Variants in SSBP2 observed in about 807,000 individuals in gnomAD.
The protein encoded by SSBP2 is single-stranded DNA-binding protein 2.
SSBP2 carries 17 observed loss-of-function variants against 61.8 expected under a neutral mutation model. The ratio of observed to expected loss-of-function variants is 0.28; its 90% confidence interval spans 0.19 to 0.41. The LOEUF (loss-of-function observed/expected upper bound fraction) is 0.41, where lower values mean the gene tolerates loss of function less well. Among genes scored for constraint, SSBP2 ranks in the 10% least tolerant of loss-of-function variants. SSBP2 has a pLI of 1.00. For missense variants in SSBP2, 310 were observed against 458.7 expected (o/e 0.68, Z 2.96); for synonymous variants, 139 against 141.3 (o/e 0.98, Z 0.12).
chr5:81,654,305 C>A (rs999293368), intron 1 of SSBP2, among the ~76,000 whole-genome samples: 1 of 152,106 alleles, frequency 6.6e-6, no homozygotes, highest in Non-Finnish European at 1.5e-5. Context: ...AAATTGACCA[C>A]GTCCAAAGTT....
intron 4 of SSBP2, among the ~76,000 whole-genome samples, chr5:81,527,839 C>T (rs1425555251): frequency 2.0e-5 from 3 of 149,578 alleles, no homozygotes; most frequent in Admixed American, 1.3e-4. Flanking sequence ...ACCACCATGG[C>T]ACATGTATAC....
chr5:81,601,342 ACAGGAGGAT>A (rs1429554529), intron 4 of SSBP2, among the ~76,000 whole-genome samples: 3 of 152,328 alleles, frequency 2.0e-5, no homozygotes, highest in Admixed American at 1.3e-4. Flanking sequence ...TAAAAGAGCA[ACAGGAGGAT>A]CCTTGTGGTT....
intron 6 of SSBP2, among the ~76,000 whole-genome samples, chr5:81,486,272 T>C (rs1475810949): frequency 6.6e-6 from 1 of 152,172 alleles, no homozygotes; most frequent in East Asian, 1.9e-4. Flanking sequence ...TTCGTAAAAT[T>C]TGTCAACAAA....
intron 4 of SSBP2, among the ~76,000 whole-genome samples, chr5:81,536,583 A>G (rs1183703487): frequency 3.9e-5 from 6 of 152,196 alleles, no homozygotes; most frequent in Non-Finnish European, 8.8e-5. Context: ...TTGAAAACCA[A>G]GTCCATACAA....
At chr5:81,736,194 C>A (rs1222793172) in intron 1 of SSBP2, among the ~76,000 whole-genome samples, 1 of 135,134 alleles carries the variant, frequency 7.4e-6, no homozygotes, top group African/African-American at 3.0e-5. Flanking sequence ...ACACACTCTA[C>A]GGCACTACTG....
At chr5:81,691,124 A>T in intron 1 of SSBP2, among the ~76,000 whole-genome samples, 1 of 152,108 alleles carries the variant, frequency 6.6e-6, no homozygotes, top group Non-Finnish European at 1.5e-5. Flanking sequence ...AGAGTAGAAA[A>T]ACTTCAAATA....
chr5:81,472,574 T>C (rs568221937), intron 8 of SSBP2, among the ~76,000 whole-genome samples: 3 of 152,274 alleles, frequency 2.0e-5, no homozygotes, highest in African/African-American at 7.2e-5. Context: ...TCTTTAATAT[T>C]TTCAATCAAC....
Position 81,569,707 on chromosome 5 carries a change from T to C in SSBP2, c.282+45766A>G, listed in dbSNP as rs148102288. On this transcript the variant is annotated intron_variant, in intron 4 of 16. Transcript: ENST00000320672. Reference sequence around the variant, plus strand: ...AGCAGCAACTAATACAGTAATAATTTAAAAGGCATATCAGACTGCTTTTTG... The same window carrying C: ...AGCAGCAACTAATACAGTAATAATTCAAAAGGCATATCAGACTGCTTTTTG... Among the ~76,000 whole-genome samples, 27 of 152,318 alleles carry C rather than the reference T, an allele frequency of 1.8e-4. No homozygotes were observed. The East Asian group carries it at 4.6e-3, about 26-fold the overall frequency.
chr5:81,511,420 G>A (rs1429216010), intron 5 of SSBP2, among the ~76,000 whole-genome samples: 2 of 152,002 alleles, frequency 1.3e-5, no homozygotes, highest in Non-Finnish European at 2.9e-5. Context: ...GATCTCTGAT[G>A]GCTCCTACTG....
At chr5:81,573,973 T>C (rs1393192859) in intron 4 of SSBP2, among the ~76,000 whole-genome samples, 3 of 151,996 alleles carry the variant, frequency 2.0e-5, no homozygotes, top group Admixed American at 1.3e-4. Context: ...ACCCTGTCTC[T>C]ACTGAAAAAC....
At chr5:81,431,378 AT>A (rs750205229) in intron 15 of SSBP2, among the ~76,000 whole-genome samples, 10 of 152,148 alleles carry the variant, frequency 6.6e-5, no homozygotes, top group Non-Finnish European at 1.0e-4. Flanking sequence ...ACTTCAAGAA[AT>A]TTTATTACAT....
chr5:81,419,202 T>G lies in SSBP2; in HGVS notation c.*1302A>C, dbSNP rs964398685. ...TTGAACAGTCAGTTACACAATGTAG[T>G]TTTAGCCTGCTGAAGTCAATGGCTA... is the stretch of plus-strand genomic sequence containing the variant. On this transcript the variant is annotated 3_prime_UTR_variant, in exon 17 of 17. Coordinates refer to ENST00000320672, the MANE Select transcript of SSBP2 (RefSeq NM_012446.5). 6.6e-6 allele frequency: 1 copy of G among 152,228 alleles called. No homozygotes were observed. Among genetic ancestry groups the G allele is most frequent in the Non-Finnish European group, 1.5e-5 (1 of 68,044 alleles). The allele number at this position is 152,228 out of a possible 1,614,324, so 9.4% of individuals were successfully genotyped here.
chr5:81,734,991 A>AG (rs1756505180), intron 1 of SSBP2, among the ~76,000 whole-genome samples: 1 of 150,970 alleles, frequency 6.6e-6, no homozygotes, highest in Non-Finnish European at 1.5e-5. Flanking sequence ...AAAAAAAAAA[A>AG]AGAGAAAAGA....
At chr5:81,528,989 T>C (rs1302265108) in intron 4 of SSBP2, among the ~76,000 whole-genome samples, 4 of 152,106 alleles carry the variant, frequency 2.6e-5, no homozygotes, top group East Asian at 1.9e-4. Flanking sequence ...ATTCATTTAA[T>C]GGACACTTAT....
chr5:81,560,969 A>T (rs1772999190), intron 4 of SSBP2, among the ~76,000 whole-genome samples: 1 of 152,168 alleles, frequency 6.6e-6, no homozygotes, highest in South Asian at 2.1e-4. Context: ...ATTGCTACAG[A>T]ACTCAAGAAA....
intron 5 of SSBP2, among the ~76,000 whole-genome samples, chr5:81,509,904 T>C (rs1768465925): frequency 6.6e-6 from 1 of 152,206 alleles, no homozygotes; most frequent in South Asian, 2.1e-4. Context: ...AACATAACTA[T>C]GAACTGTTTA....
intron 4 of SSBP2, among the ~76,000 whole-genome samples, chr5:81,540,410 T>G (rs546438820): frequency 4.6e-5 from 7 of 152,220 alleles, no homozygotes; most frequent in Non-Finnish European, 1.0e-4. Flanking sequence ...ATCTGTTGTT[T>G]CCTGACTTTT....
chr5:81,562,071 A>AC (rs1449246922), intron 4 of SSBP2, among the ~76,000 whole-genome samples: 2 of 143,686 alleles, frequency 1.4e-5, no homozygotes, highest in Admixed American at 7.0e-5. Flanking sequence ...CACTTGGCTA[A>AC]TTTTTTTTTT....
At chr5:81,703,971 GCTTT>G (rs2153897238) in intron 1 of SSBP2, among the ~76,000 whole-genome samples, 1 of 152,308 alleles carries the variant, frequency 6.6e-6, no homozygotes, top group South Asian at 2.1e-4. Flanking sequence ...TGACTATGGA[GCTTT>G]ACTGCTGCTT....
Sources: allele counts gnomAD v4.1 joint callset (sites outside exome capture counted in the v4.1 genomes callset), GRCh38; gene constraint gnomAD v4.1.1; transcripts MANE v1.5; gene names NCBI Gene and HGNC (gene_info 2026-07-23, HGNC 2026-07-21).